Variants in MET observed in about 807,000 individuals in gnomAD.
MET encodes hepatocyte growth factor receptor.
MET carries 48 observed loss-of-function variants against 133.1 expected under a neutral mutation model. The ratio of observed to expected loss-of-function variants is 0.36; its 90% CI spans 0.29 to 0.46. MET has a LOEUF of 0.46. Among genes scored for constraint, MET ranks in the 20% least tolerant of loss-of-function variants. The pLI, the probability that MET is intolerant of heterozygous loss-of-function variation, is 1.00. For missense variants in MET, 1,442 were observed against 1,695.9 expected (o/e 0.85, Z 2.63); for synonymous variants, 628 against 616.5 (o/e 1.02, Z -0.28).
chr7:116,673,691 AG>A (rs1796055426), intron 1 of MET, among the ~76,000 whole-genome samples: 1 of 152,244 alleles, frequency 6.6e-6, no homozygotes, highest in Admixed American at 6.5e-5. Context: ...TTCTGCATGA[AG>A]ATGATCTGAA....
At chr7:116,714,235 G>T (rs572709519) in intron 2 of MET, among the ~76,000 whole-genome samples, 7 of 152,144 alleles carry the variant, frequency 4.6e-5, no homozygotes, top group Non-Finnish European at 1.0e-4. Context: ...GAATTCCAAG[G>T]TCCATATCAT....
chr7:116,728,909 A>C (rs1324888690), intron 2 of MET, among the ~76,000 whole-genome samples: 2 of 152,218 alleles, frequency 1.3e-5, no homozygotes, highest in Non-Finnish European at 2.9e-5. Context: ...CCAGGATGTC[A>C]CCTAGACTTA....
intron 1 of MET, among the ~76,000 whole-genome samples, chr7:116,694,698 A>AT (rs1206110829): frequency 1.3e-5 from 2 of 151,526 alleles, no homozygotes; most frequent in Non-Finnish European, 2.9e-5. Context: ...TTTTGTTTTT[A>AT]TTTTTTTTAG....
At chr7:116,718,306 T>G (rs1792324995) in intron 2 of MET, among the ~76,000 whole-genome samples, 1 of 152,054 alleles carries the variant, frequency 6.6e-6, no homozygotes, top group Non-Finnish European at 1.5e-5. Flanking sequence ...GGGAATTGCT[T>G]GAACCCAGGA....
intron 1 of MET, among the ~76,000 whole-genome samples, chr7:116,697,779 G>A (rs543629579): frequency 6.6e-6 from 1 of 152,222 alleles, no homozygotes; most frequent in East Asian, 1.9e-4. Context: ...ATAATCCTAA[G>A]TACAGGCTGT....
chr7:116,778,663 G>C lies in MET; in HGVS notation c.3341-113G>C, dbSNP rs143912481. On this transcript the variant is annotated intron_variant, in intron 16 of 20. Coordinates refer to ENST00000397752, the MANE Select transcript of MET (RefSeq NM_000245.4). Reference sequence around the variant, plus strand: ...AGAACACTCTGCAGTCAAACCCTCAGGACAAGATGCTAACTGTGTGGTTTA... The same window carrying C: ...AGAACACTCTGCAGTCAAACCCTCACGACAAGATGCTAACTGTGTGGTTTA... 586 of 1,136,570 alleles carry C rather than the reference G, an allele frequency of 5.2e-4. 3 individuals are homozygous for C. The African/African-American group carries it at 7.7e-3, about 15-fold the overall frequency. The allele number at this position is 1,136,570 out of a possible 1,614,324, so 70.4% of individuals were successfully genotyped here.
At chr7:116,709,371 G>A (rs1791911833) in intron 2 of MET, among the ~76,000 whole-genome samples, 1 of 152,048 alleles carries the variant, frequency 6.6e-6, no homozygotes, top group African/African-American at 2.4e-5. Flanking sequence ...ATAAAAACTT[G>A]GATTCTCAAA....
At chr7:116,746,549 G>A (rs977664470) in intron 5 of MET, among the ~76,000 whole-genome samples, 4 of 152,180 alleles carry the variant, frequency 2.6e-5, no homozygotes, top group African/African-American at 9.7e-5. Flanking sequence ...AACAATGATA[G>A]ACTGGATTAA....
intron 2 of MET, among the ~76,000 whole-genome samples, chr7:116,730,992 A>G (rs975027862): frequency 1.3e-5 from 2 of 152,224 alleles, no homozygotes; most frequent in African/African-American, 4.8e-5. Context: ...TGAGAGATTT[A>G]TATAAACTAG....
rs551298214 is a variant in MET at position 116,772,830 on chromosome 7, A to G, written c.3028+841A>G. Among the ~76,000 whole-genome samples, 121 of 152,272 alleles carry G rather than the reference A, an allele frequency of 7.9e-4. 2 individuals are homozygous for G. The South Asian group carries it at 0.016, about 20-fold the overall frequency. Reference sequence around the variant, plus strand: ...ACATTTTCAACACTTACTACCTCTTATGTTTTGAAGTTTATGTTATTTCTA... The same window carrying G: ...ACATTTTCAACACTTACTACCTCTTGTGTTTTGAAGTTTATGTTATTTCTA... On this transcript the variant is annotated intron_variant, in intron 14 of 20. Transcript: ENST00000397752.
intron 1 of MET, among the ~76,000 whole-genome samples, chr7:116,673,380 G>C (rs182124415): frequency 7.2e-5 from 11 of 152,156 alleles, no homozygotes; most frequent in African/African-American, 2.2e-4. Context: ...ATGTTCAAAG[G>C]AGCCCTCGGG....
intron 2 of MET, among the ~76,000 whole-genome samples, chr7:116,716,636 G>A (rs1368427645): frequency 6.6e-6 from 1 of 152,216 alleles, no homozygotes; most frequent in Non-Finnish European, 1.5e-5. Context: ...AGCTGGAAGA[G>A]GAAATCAGTT....
chr7:116,691,044 T>C (rs184517571), intron 1 of MET, among the ~76,000 whole-genome samples: 4 of 152,354 alleles, frequency 2.6e-5, no homozygotes, highest in African/African-American at 9.6e-5. Flanking sequence ...GATTTCACTC[T>C]GGCAAGTCTT....
At chr7:116,719,974 CTCT>C (rs1301733471) in intron 2 of MET, among the ~76,000 whole-genome samples, 1 of 151,864 alleles carries the variant, frequency 6.6e-6, no homozygotes, top group East Asian at 1.9e-4. Flanking sequence ...GCGATGCGGG[CTCT>C]TTTTTGGTTC....
intron 13 of MET, 42 bp downstream of exon 13, chr7:116,771,696 AAC>A (rs901183200): frequency 1.9e-6 from 3 of 1,610,742 alleles, no homozygotes; most frequent in African/African-American, 2.7e-5. Context: ...TTACCTTAAG[AAC>A]ACAGTCATTA....
At position 116,774,640 on chromosome 7, in the gene MET, A is replaced by G. The variant is rs922165292; in HGVS notation, c.3029-241A>G. Among the ~76,000 whole-genome samples, 4 of 152,222 alleles carry G rather than the reference A, an allele frequency of 2.6e-5. No homozygotes were observed. In the South Asian group the frequency reaches 6.2e-4, roughly 24 times the overall value. ...TAAACCATAAGCATGGCTTTTTGCTATTGATAAAGAGAGAAATGTCTAAGG... is the reference window on the plus strand; with the variant it reads ...TAAACCATAAGCATGGCTTTTTGCTGTTGATAAAGAGAGAAATGTCTAAGG... On this transcript the variant is annotated intron_variant, in intron 14 of 20. Transcript: ENST00000397752.
intron 19 of MET, among the ~76,000 whole-genome samples, chr7:116,786,698 A>G (rs1795325520): frequency 6.6e-6 from 1 of 152,236 alleles, no homozygotes; most frequent in Non-Finnish European, 1.5e-5. Context: ...GAGGACTGTG[A>G]TGTCTGAAGA....
intron 2 of MET, among the ~76,000 whole-genome samples, chr7:116,717,861 T>A (rs1247168154): frequency 6.6e-6 from 1 of 152,194 alleles, no homozygotes; most frequent in Admixed American, 6.5e-5. Flanking sequence ...ACATTTTGAA[T>A]CAAATATATT....
rs756856284 is a variant in MET at position 116,699,466 on chromosome 7, G to A, written c.382G>A (p.Asp128Asn). 3 of 1,614,024 alleles carry A rather than the reference G, an allele frequency of 1.9e-6. No individual in the cohort carries two copies. The highest frequency in any genetic ancestry group is 1.1e-5 in the South Asian group (1 of 91,076). Residue 128 changes from aspartate (D) to asparagine (N), a missense_variant, in exon 2 of 21, where the codon GAT becomes AAT. By Grantham distance (23) the Asp-to-Asn change is conservative. This residue lies in a region of MET where 762 missense variants were observed against 792.4 expected (regional missense o/e 0.96). Coordinates refer to ENST00000397752, the MANE Select transcript of MET (RefSeq NM_000245.4). ...MALVVDTYYD[D>N]QLISCGSVNR... ...TCTAGTTGTCGACACCTACTATGAT[G>A]ATCAACTCATTAGCTGTGGCAGCGT...
Sources: allele counts gnomAD v4.1 joint callset (sites outside exome capture counted in the v4.1 genomes callset), GRCh38; gene constraint gnomAD v4.1.1; regional missense constraint gnomAD v4.1.1; transcripts MANE v1.5; gene names NCBI Gene and HGNC (gene_info 2026-07-23, HGNC 2026-07-21).